HMCN1: variants seen among roughly 807,000 people sequenced by gnomAD.
HMCN1 encodes the protein hemicentin 1.
HMCN1 carries 321 observed loss-of-function variants against 625.9 expected under a neutral mutation model. The ratio of observed to expected loss-of-function variants is 0.51; its 90% confidence interval spans 0.47 to 0.56. The LOEUF (loss-of-function observed/expected upper bound fraction) is 0.56, where lower values mean the gene tolerates loss of function less well. Ranked by LOEUF, HMCN1 falls within the 20% of genes least tolerant of loss-of-function variation. HMCN1 has a pLI of 0.00. For synonymous variants in HMCN1, 2,425 were observed against 2,417.6 expected, an observed-to-expected ratio of 1.00 and a Z score of -0.09; for missense variants, 6,588 against 6,887.3, an observed-to-expected ratio of 0.96 and a Z score of 1.54.
chr1:185,881,078 TGACA>T (rs1389891496), intron 4 of HMCN1, among the ~76,000 whole-genome samples: 1 of 152,240 alleles, frequency 6.6e-6, no homozygotes, highest in African/African-American at 2.4e-5. Flanking sequence ...GCTCTGCTGT[TGACA>T]GATGGCTTGA....
At chr1:186,006,816 A>G (rs1227346622) in intron 29 of HMCN1, among the ~76,000 whole-genome samples, 1 of 151,792 alleles carries the variant, frequency 6.6e-6, no homozygotes, top group Non-Finnish European at 1.5e-5. Flanking sequence ...ATTTAAAAAA[A>G]GCTGAAAAAA....
chr1:185,932,622 G>A (rs1187026432), intron 10 of HMCN1, among the ~76,000 whole-genome samples: 1 of 151,988 alleles, frequency 6.6e-6, no homozygotes, highest in Non-Finnish European at 1.5e-5. Context: ...CACAGGAACA[G>A]AAAACCAAAC....
chr1:185,955,864 C>G (rs1298466584), intron 11 of HMCN1, among the ~76,000 whole-genome samples: 1 of 152,134 alleles, frequency 6.6e-6, no homozygotes, highest in Non-Finnish European at 1.5e-5. Flanking sequence ...TTTGTCCCAA[C>G]TCCAGTTTAC....
intron 1 of HMCN1, among the ~76,000 whole-genome samples, chr1:185,833,924 CA>C (rs1325806916): frequency 3.3e-5 from 5 of 152,162 alleles, no homozygotes; most frequent in Non-Finnish European, 5.9e-5. Flanking sequence ...ATTATACACA[CA>C]TATACATAAA....
chr1:185,735,918 G>T (rs1455261732), intron 1 of HMCN1, among the ~76,000 whole-genome samples: 1 of 152,304 alleles, frequency 6.6e-6, no homozygotes, highest in East Asian at 1.9e-4. Context: ...ATTAGCACAA[G>T]TTGCTGCCCA....
At chr1:185,832,070 T>TTC (rs1660896962) in intron 1 of HMCN1, among the ~76,000 whole-genome samples, 1 of 151,942 alleles carries the variant, frequency 6.6e-6, no homozygotes, top group Non-Finnish European at 1.5e-5. Flanking sequence ...CTGAGGCAGG[T>TTC]GGATCTCTTG....
At chr1:185,970,204 T>C (rs1650712238) in intron 14 of HMCN1, 131 bp from the exon 15 acceptor site, 2 of 822,006 alleles carry the variant, frequency 2.4e-6, no homozygotes, top group South Asian at 2.7e-5. Flanking sequence ...AAAGTGTCTA[T>C]GTTGTGCCAA....
At chr1:185,808,565 G>A (rs1263085196) in intron 1 of HMCN1, among the ~76,000 whole-genome samples, 2 of 151,946 alleles carry the variant, frequency 1.3e-5, no homozygotes, top group Non-Finnish European at 1.5e-5. Context: ...TTTGTTTTTT[G>A]TTATTGTTTT....
rs201856349 is a variant in HMCN1 at position 186,132,379 on chromosome 1, G to A, written c.13282G>A (p.Val4428Met). Reference sequence around the variant, plus strand: ...TGTAGCTACCAATGAAGCTGGGGTGGTGGAGCGCAGCATGAGTCTGACTCT... The same window carrying A: ...TGTAGCTACCAATGAAGCTGGGGTGATGGAGCGCAGCATGAGTCTGACTCT... ...TCVATNEAGV[V>M]ERSMSLTLQS... The change falls in exon 86 of 107, where the codon GTG becomes ATG. Residue 4428 changes from valine to methionine, a missense_variant. Val to Met is a conservative substitution (Grantham distance 21). Around this residue, in one of 3 missense-constraint regions of HMCN1, gnomAD observed 1,954 missense variants for 2,013.1 expected, o/e 0.97. Transcript: ENST00000271588. The A allele has an allele frequency of 4.3e-6, 7 of 1,612,484 alleles. No individual in the cohort carries two copies. The highest frequency in any genetic ancestry group is 1.6e-4 in the Middle Eastern group (1 of 6,078).
intron 1 of HMCN1, among the ~76,000 whole-genome samples, chr1:185,799,226 C>T (rs1032274559): frequency 1.3e-5 from 2 of 152,168 alleles, no homozygotes; most frequent in Non-Finnish European, 2.9e-5. Context: ...CTCATAGTCT[C>T]CTGCAGAGCT....
At chr1:185,951,424 A>C (rs1668664756) in intron 11 of HMCN1, among the ~76,000 whole-genome samples, 1 of 151,200 alleles carries the variant, frequency 6.6e-6, no homozygotes, top group African/African-American at 2.4e-5. Context: ...GGCCCTTGAA[A>C]AGAAGGTAAT....
At chr1:186,128,840 T>C (rs1372662486) in intron 83 of HMCN1, among the ~76,000 whole-genome samples, 1 of 152,112 alleles carries the variant, frequency 6.6e-6, no homozygotes. Context: ...TTAGACTTTG[T>C]CATCAGCATA....
chr1:186,145,576 G>A lies in HMCN1; in HGVS notation c.14437+3G>A, dbSNP rs1428692246. 1 of 1,613,718 alleles carries A rather than the reference G, an allele frequency of 6.2e-7. No individual in the cohort carries two copies. Among genetic ancestry groups the A allele is most frequent in the African/African-American group, 1.3e-5 (1 of 74,924 alleles). On this transcript the variant is annotated splice_donor_region_variant and intron_variant, in intron 92 of 106. Transcript: ENST00000271588. ...GTGCAACACTGACATGTGTCCTGGT[G>A]AGCCTCTTGATTTCTGGCAGTTGAA...
At chr1:186,036,377 C>T (rs1305213521) in intron 36 of HMCN1, among the ~76,000 whole-genome samples, 2 of 152,070 alleles carry the variant, frequency 1.3e-5, no homozygotes, top group Non-Finnish European at 2.9e-5. Flanking sequence ...AGGCACATCT[C>T]ACATGGTGGC....
intron 2 of HMCN1, among the ~76,000 whole-genome samples, chr1:185,856,630 G>A (rs548871026): frequency 3.9e-5 from 6 of 152,132 alleles, no homozygotes; most frequent in Non-Finnish European, 2.9e-5. Flanking sequence ...GTCTGACTTT[G>A]AAACTAAGCG....
In HMCN1 at chr1:186,038,861, TCA is replaced by T; in HGVS notation, c.5885_5886del (p.Ser1962TrpfsTer15). On this transcript the variant is annotated frameshift_variant, in exon 38 of 107. Coordinates refer to ENST00000271588, the MANE Select transcript of HMCN1 (RefSeq NM_031935.3). LOFTEE classifies it high-confidence loss of function. ...ITWYKDNRLL[S>X]GSTSMTFLNR... ...ATGGTACAAAGATAATCGTCTACTCTCAGGTTCCACCAGCATGACTTTCTTGA... is the reference window on the plus strand; with the variant it reads ...ATGGTACAAAGATAATCGTCTACTCTGGTTCCACCAGCATGACTTTCTTGA... The T allele has an allele frequency of 6.2e-7, 1 of 1,605,230 alleles. No homozygotes were observed. Among genetic ancestry groups the T allele is most frequent in the East Asian group, 2.2e-5 (1 of 44,782 alleles).
At position 186,136,668 on chromosome 1, in the gene HMCN1, G is replaced by C. The variant is rs61732179; in HGVS notation, c.13313G>C (p.Ser4438Thr). 9.9e-6 allele frequency: 16 copies of C among 1,613,214 alleles called. No individual in the cohort carries two copies. Among genetic ancestry groups the C allele is most frequent in the Middle Eastern group, 3.3e-4 (2 of 6,080 alleles). ...VERSMSLTLQ[S>T]PPIITLEPVE... ...AGACACTATGTGCTTTTTTCCGTAG[G>C]TCCTCCTATTATCACTCTTGAGCCA... Residue 4438 changes from serine (S) to threonine (T), a missense_variant and splice_region_variant, in exon 87 of 107, where the codon AGT becomes ACT. Coordinates refer to ENST00000271588, the MANE Select transcript of HMCN1 (RefSeq NM_031935.3).
intron 1 of HMCN1, among the ~76,000 whole-genome samples, chr1:185,768,178 C>T (rs372652605): frequency 6.6e-6 from 1 of 152,290 alleles, no homozygotes; most frequent in East Asian, 1.9e-4. Flanking sequence ...AAGAAGCCCA[C>T]TTCGTTCAGA....
intron 75 of HMCN1, among the ~76,000 whole-genome samples, chr1:186,116,633 G>C (rs765748021): frequency 2.0e-5 from 3 of 152,094 alleles, no homozygotes; most frequent in Non-Finnish European, 2.9e-5. Context: ...GGTGCCTGGA[G>C]TGTATCTGAT....
Sources: allele counts gnomAD v4.1 joint callset (sites outside exome capture counted in the v4.1 genomes callset), GRCh38; gene constraint gnomAD v4.1.1; regional missense constraint gnomAD v4.1.1; transcripts MANE v1.5; gene names NCBI Gene and HGNC (gene_info 2026-07-23, HGNC 2026-07-21).